Variants in GNA14 observed in about 807,000 individuals in gnomAD.
The protein encoded by GNA14 is guanine nucleotide-binding protein subunit alpha-14.
In GNA14, 50 loss-of-function variants were observed where a neutral mutation model predicts 42.0. The observed-to-expected ratio is 1.19, with a 90% CI of 0.95 to 1.51. The LOEUF (loss-of-function observed/expected upper bound fraction) is 1.51. Among genes scored for constraint, GNA14 ranks in the 40% most tolerant of loss-of-function variants. The pLI is 0.00. For missense variants in GNA14, 473 were observed against 446.2 expected (o/e 1.06, Z -0.54); for synonymous variants, 173 against 163.1 (o/e 1.06, Z -0.46).
At chr9:77,549,509 T>C (rs1837764533) in intron 1 of GNA14, among the ~76,000 whole-genome samples, 1 of 152,156 alleles carries the variant, frequency 6.6e-6, no homozygotes, top group Admixed American at 6.5e-5. Flanking sequence ...TTTCCCTTAT[T>C]ATTCAGTTGT....
intron 2 of GNA14, among the ~76,000 whole-genome samples, chr9:77,515,936 G>T (rs1236391598): frequency 8.1e-6 from 1 of 122,944 alleles, no homozygotes; most frequent in Non-Finnish European, 1.6e-5. Context: ...CTCAACCCAG[G>T]CAACGCAGCA....
chr9:77,462,094 G>A (rs918726389), intron 2 of GNA14, among the ~76,000 whole-genome samples: 1 of 152,128 alleles, frequency 6.6e-6, no homozygotes, highest in Non-Finnish European at 1.5e-5. Flanking sequence ...TTCTAGGTAC[G>A]AACGTGAGCT....
intron 5 of GNA14, among the ~76,000 whole-genome samples, chr9:77,427,792 C>G (rs1835475985): frequency 6.6e-6 from 1 of 152,140 alleles, no homozygotes; most frequent in South Asian, 2.1e-4. Context: ...TGAGGGAGTC[C>G]CTCCCAGGAG....
chr9:77,647,603 T>C (rs1228768729), intron 1 of GNA14, 67 bp downstream of exon 1: 2 of 1,536,420 alleles, frequency 1.3e-6, no homozygotes, highest in East Asian at 2.4e-5. Flanking sequence ...CGGGTGCCAG[T>C]GGAGAGGCCG....
chr9:77,547,842 A>G (rs1032600248), intron 1 of GNA14, among the ~76,000 whole-genome samples: 2 of 152,208 alleles, frequency 1.3e-5, no homozygotes, highest in Non-Finnish European at 2.9e-5. Context: ...ACACATCATC[A>G]TTTGTTGTGA....
intron 1 of GNA14, among the ~76,000 whole-genome samples, chr9:77,600,614 G>T (rs756409367): frequency 1.3e-5 from 2 of 152,172 alleles, no homozygotes; most frequent in Admixed American, 6.5e-5. Flanking sequence ...GATGAGGAAT[G>T]AGAGTGTGAA....
At chr9:77,628,423 T>A (rs921028458) in intron 1 of GNA14, among the ~76,000 whole-genome samples, 2 of 152,216 alleles carry the variant, frequency 1.3e-5, no homozygotes, top group African/African-American at 4.8e-5. Context: ...AGAGCCCATA[T>A]AGCCAATACA....
At chr9:77,440,154 A>G (rs1219373320) in intron 2 of GNA14, among the ~76,000 whole-genome samples, 1 of 152,256 alleles carries the variant, frequency 6.6e-6, no homozygotes, top group African/African-American at 2.4e-5. Context: ...TCCTTTCTCA[A>G]ACAAAATCAC....
chr9:77,464,548 A>G (rs529937331), intron 2 of GNA14, among the ~76,000 whole-genome samples: 5 of 151,866 alleles, frequency 3.3e-5, no homozygotes, highest in Non-Finnish European at 5.9e-5. Context: ...TTTTAAAAAC[A>G]TTTTTTTTGA....
At chr9:77,583,581 A>T (rs552813799) in intron 1 of GNA14, among the ~76,000 whole-genome samples, 1 of 152,302 alleles carries the variant, frequency 6.6e-6, no homozygotes, top group East Asian at 1.9e-4. Context: ...TTCTGAGTGT[A>T]TGTGTGAGAG....
intron 1 of GNA14, among the ~76,000 whole-genome samples, chr9:77,549,476 C>G (rs1051824835): frequency 6.6e-6 from 1 of 152,324 alleles, no homozygotes; most frequent in Admixed American, 6.5e-5. Context: ...AATTCCCGCA[C>G]TTGTCACTGA....
intron 2 of GNA14, among the ~76,000 whole-genome samples, chr9:77,444,768 A>G (rs537873350): frequency 6.6e-6 from 1 of 152,190 alleles, no homozygotes; most frequent in East Asian, 1.9e-4. Context: ...ATTACAGTCC[A>G]CTCAATCCTA....
At chr9:77,632,200 A>G (rs1201590248) in intron 1 of GNA14, among the ~76,000 whole-genome samples, 4 of 152,160 alleles carry the variant, frequency 2.6e-5, no homozygotes, top group Non-Finnish European at 5.9e-5. Context: ...AGTTGGGGCC[A>G]TGGGAAGCCA....
At chr9:77,563,667 T>TCTCCTA (rs1822919373) in intron 1 of GNA14, among the ~76,000 whole-genome samples, 1 of 152,166 alleles carries the variant, frequency 6.6e-6, no homozygotes, top group Non-Finnish European at 1.5e-5. Flanking sequence ...GGCTGCTGTT[T>TCTCCTA]TTTTAAACAA....
At chr9:77,595,903 A>G (rs774894150) in intron 1 of GNA14, among the ~76,000 whole-genome samples, 8 of 152,034 alleles carry the variant, frequency 5.3e-5, no homozygotes, top group Non-Finnish European at 1.0e-4. Flanking sequence ...CAAAAACAAG[A>G]TATGAGTCCT....
intron 1 of GNA14, among the ~76,000 whole-genome samples, chr9:77,644,924 G>A (rs1393764945): frequency 6.6e-6 from 1 of 152,124 alleles, no homozygotes; most frequent in East Asian, 1.9e-4. Context: ...CTACTTTTAT[G>A]CAAGGAACTG....
chr9:77,485,064 C>G (rs576172890), intron 2 of GNA14, among the ~76,000 whole-genome samples: 58 of 152,128 alleles, frequency 3.8e-4, no homozygotes, highest in African/African-American at 1.4e-3. Flanking sequence ...TGAAGTTTGC[C>G]GCATTGATTG....
intron 1 of GNA14, among the ~76,000 whole-genome samples, chr9:77,615,100 C>T (rs1165251138): frequency 5.3e-5 from 8 of 152,182 alleles, no homozygotes; most frequent in Admixed American, 5.2e-4. Flanking sequence ...TTCTCCATTG[C>T]CTGTGGAATC....
intron 1 of GNA14, among the ~76,000 whole-genome samples, chr9:77,608,895 C>T (rs1039756736): frequency 2.6e-5 from 4 of 152,214 alleles, no homozygotes; most frequent in South Asian, 2.1e-4. Context: ...AATCCCATCC[C>T]CATTCCCGGC....
Sources: allele counts gnomAD v4.1 joint callset (sites outside exome capture counted in the v4.1 genomes callset), GRCh38; gene constraint gnomAD v4.1.1; transcripts MANE v1.5; gene names NCBI Gene and HGNC (gene_info 2026-07-23, HGNC 2026-07-21).